Variants in ZNF462 observed in about 807,000 individuals in gnomAD.
ZNF462 encodes zinc finger protein 462.
A neutral mutation model predicts 201.9 loss-of-function variants in ZNF462; 10 were observed. That is an observed-to-expected ratio of 0.05 (90% CI 0.03 to 0.08). ZNF462 has a LOEUF of 0.08. ZNF462 is among the 10% of genes least tolerant of loss of function. The pLI, the probability that ZNF462 is intolerant of heterozygous loss-of-function variation, is 1.00. For synonymous variants in ZNF462, 1,227 were observed against 1,193.3 expected (o/e 1.03, Z -0.58); for missense variants, 2,523 against 3,168.3 (o/e 0.80, Z 4.89).
intron 10 of ZNF462, among the ~76,000 whole-genome samples, chr9:106,992,595 AAAT>A (rs1828372058): frequency 1.3e-5 from 2 of 152,106 alleles, no homozygotes; most frequent in African/African-American, 4.8e-5. Context: ...GGAATCCAAA[AAAT>A]GTTACGTGGA....
At chr9:106,958,112 G>A (rs1056651589) in intron 7 of ZNF462, among the ~76,000 whole-genome samples, 4 of 152,182 alleles carry the variant, frequency 2.6e-5, no homozygotes, top group Non-Finnish European at 4.4e-5. Context: ...ATGTGGAATC[G>A]TGGGGTGCTG....
rs917309370 is a variant in ZNF462 at position 106,933,661 on chromosome 9, C to T, written c.6116+1112C>T. Reference sequence around the variant, plus strand: ...TTAAAAAAAAACAAAACAAAACCCACTGACTCATCAAAATAAAGCACGTCT... The same window carrying T: ...TTAAAAAAAAACAAAACAAAACCCATTGACTCATCAAAATAAAGCACGTCT... On this transcript the variant is annotated intron_variant, in intron 5 of 12. Coordinates refer to ENST00000277225, the MANE Select transcript of ZNF462 (RefSeq NM_021224.6). This position sits in a 1 kb window ranked among gnomAD's most constrained non-coding sequence, Gnocchi z 4.3. Among the ~76,000 whole-genome samples, 1 of 152,040 alleles carries T rather than the reference C, an allele frequency of 6.6e-6. No individual in the cohort carries two copies. The highest frequency in any genetic ancestry group is 1.5e-5 in the Non-Finnish European group (1 of 68,000).
intron 10 of ZNF462, among the ~76,000 whole-genome samples, chr9:106,990,419 G>A (rs1357905315): frequency 5.3e-5 from 8 of 151,888 alleles, no homozygotes; most frequent in African/African-American, 1.9e-4. Flanking sequence ...TGTTCTGTAT[G>A]TATCTGTTAA....
chr9:106,994,521 T>A (rs1432333295), intron 10 of ZNF462, among the ~76,000 whole-genome samples: 1 of 152,130 alleles, frequency 6.6e-6, no homozygotes, highest in Admixed American at 6.6e-5. Context: ...TTGCTTTTTA[T>A]TTCTGAACTA....
chr9:106,934,628 T>C (rs1830555756), intron 5 of ZNF462, among the ~76,000 whole-genome samples: 5 of 152,112 alleles, frequency 3.3e-5, no homozygotes, highest in Admixed American at 2.0e-4. Flanking sequence ...CCAGGGGCAA[T>C]TGAAAATGTT....
In ZNF462 at chr9:106,864,765, T is replaced by TC. The variant is rs1344471692; in HGVS notation, c.-31+1413dup. On this transcript the variant is annotated intron_variant, in intron 1 of 12. Coordinates refer to ENST00000277225, the MANE Select transcript of ZNF462 (RefSeq NM_021224.6). ...ACCAGTTGGGGCTTTCTCCCAGGGC[T>TC]CCCGGGGGCTGTGTCTGAGTGTCTG... 2.6e-5 allele frequency among the ~76,000 whole-genome samples: 4 copies of TC among 152,282 alleles called. No homozygotes were observed. In the South Asian group the frequency reaches 8.3e-4, roughly 32 times the overall value.
Position 106,926,491 on chromosome 9 carries a change from C to T in ZNF462, c.2579C>T (p.Thr860Ile), listed in dbSNP as rs1382982466. Reference protein sequence around the residue: ...FNNKSARSVSTHYQRMHPYIK... With the variant: ...FNNKSARSVSIHYQRMHPYIK... ...AACAAATCTGCCCGGAGTGTTAGCACCCACTACCAACGAATGCACCCATAC... is the reference window on the plus strand; with the variant it reads ...AACAAATCTGCCCGGAGTGTTAGCATCCACTACCAACGAATGCACCCATAC... The change falls in exon 3 of 13, where the codon ACC (threonine) becomes ATC (isoleucine). Residue 860 changes from threonine to isoleucine, a missense_variant. Thr to Ile is a moderately conservative substitution (Grantham distance 89, BLOSUM62 -1). Transcript: ENST00000277225. The surrounding 1 kb of genome is among the most constrained non-coding windows in gnomAD (Gnocchi z 7.9). The T allele has an allele frequency of 6.2e-7, 1 of 1,614,022 alleles. No individual in the cohort carries two copies. Among genetic ancestry groups the T allele is most frequent in the African/African-American group, 1.3e-5 (1 of 74,894 alleles).
At chr9:106,976,604 TAC>T (rs1195293805) in intron 9 of ZNF462, 1 of 152,206 alleles carries the variant, frequency 6.6e-6, no homozygotes, top group African/African-American at 2.4e-5. Context: ...CTCTTCTGTT[TAC>T]TTGTAAGGAT....
In ZNF462 at chr9:106,981,678, T is replaced by G. The variant is rs1827441980; in HGVS notation, c.6833-2508T>G. Among the ~76,000 whole-genome samples, 1 of 152,176 alleles carries G rather than the reference T, an allele frequency of 6.6e-6. No individual in the cohort carries two copies. Among genetic ancestry groups the G allele is most frequent in the African/African-American group, 2.4e-5 (1 of 41,450 alleles). ...TTCATGACTTTGTGTAAAATTCACT[T>G]AGACACACATAGTGAAATTGGAAAC... On this transcript the variant is annotated intron_variant, in intron 9 of 12. Coordinates refer to ENST00000277225, the MANE Select transcript of ZNF462 (RefSeq NM_021224.6). The surrounding 1 kb of genome is among the most constrained non-coding windows in gnomAD (Gnocchi z 4.0).
At position 106,970,582 on chromosome 9, in the gene ZNF462, T is replaced by TC. The variant is rs771164938; in HGVS notation, c.6428-1417dup. Among the ~76,000 whole-genome samples the TC allele has an allele frequency of 6.6e-6, 1 of 152,118 alleles. No individual in the cohort carries two copies. The highest frequency in any genetic ancestry group is 1.5e-5 in the Non-Finnish European group (1 of 68,024). The stretch of plus-strand genomic sequence containing the variant: ...AGGCTTGTACAGTTTCTATCCCCTT[T>TC]CCCCCCTGCTTTTTGAAAGGCTTAA... On this transcript the variant is annotated intron_variant, in intron 7 of 12. Transcript: ENST00000277225. The surrounding 1 kb of genome is among the most constrained non-coding windows in gnomAD (Gnocchi z 4.2).
At chr9:106,947,153 T>C (rs551586366) in intron 7 of ZNF462, among the ~76,000 whole-genome samples, 35 of 152,336 alleles carry the variant, frequency 2.3e-4, no homozygotes, top group Admixed American at 2.6e-4. Context: ...GTTCCTGCCA[T>C]TGGGGCTCTT....
chr9:106,912,367 G>T (rs1041341135), intron 1 of ZNF462, among the ~76,000 whole-genome samples: 1 of 152,150 alleles, frequency 6.6e-6, no homozygotes, highest in Non-Finnish European at 1.5e-5. Context: ...CACACTGCTT[G>T]CATGCCTAAG....
In ZNF462 at chr9:106,920,371, C is replaced by A. The variant is rs555954181; in HGVS notation, c.-30-2983C>A. 6.6e-6 allele frequency among the ~76,000 whole-genome samples: 1 copy of A among 152,190 alleles called. No individual in the cohort carries two copies. The highest frequency in any genetic ancestry group is 1.5e-5 in the Non-Finnish European group (1 of 68,032). The stretch of plus-strand genomic sequence containing the variant: ...TGCCAGCAACTTCTATTTTCTTCTT[C>A]TGTCAGCGTCTTCAGGAGAAATGTG... On this transcript the variant is annotated intron_variant, in intron 1 of 12. Coordinates refer to ENST00000277225, the MANE Select transcript of ZNF462 (RefSeq NM_021224.6). The surrounding 1 kb of genome is among the most constrained non-coding windows in gnomAD (Gnocchi z 4.3).
At chr9:106,914,771 G>A (rs750643058) in intron 1 of ZNF462, among the ~76,000 whole-genome samples, 4 of 152,142 alleles carry the variant, frequency 2.6e-5, no homozygotes, top group Non-Finnish European at 4.4e-5. Context: ...AGTGGATTGT[G>A]GTAGAGAGAA....
At chr9:106,985,682 C>A (rs1014389127) in intron 10 of ZNF462, among the ~76,000 whole-genome samples, 1 of 152,148 alleles carries the variant, frequency 6.6e-6, no homozygotes, top group African/African-American at 2.4e-5. Context: ...GCTCTGTATC[C>A]TCATGAGTGG....
chr9:106,930,474 A>G lies in ZNF462; in HGVS notation c.5848-51A>G. 1.3e-6 allele frequency: 2 copies of G among 1,596,654 alleles called. No individual in the cohort carries two copies. The highest frequency in any genetic ancestry group is 1.7e-6 in the Non-Finnish European group (2 of 1,167,614). ...TAGTAAACTGCAAGAATAAATTCTG[A>G]CAATTGAGGGAGGGCTCGGAGTACT... On this transcript the variant is annotated intron_variant, in intron 3 of 12. Coordinates refer to ENST00000277225, the MANE Select transcript of ZNF462 (RefSeq NM_021224.6). The surrounding 1 kb of genome is among the most constrained non-coding windows in gnomAD (Gnocchi z 5.8).
At chr9:106,878,997 G>A (rs990713632) in intron 1 of ZNF462, among the ~76,000 whole-genome samples, 9 of 152,114 alleles carry the variant, frequency 5.9e-5, no homozygotes, top group Non-Finnish European at 1.2e-4. Flanking sequence ...AAGTTTAATG[G>A]TTTGGTCCCA....
rs114413032 is a variant in ZNF462, at chr9:106,969,829, A to G, written c.6428-2176A>G. Among the ~76,000 whole-genome samples, 955 of 152,294 alleles carry G rather than the reference A, an allele frequency of 6.3e-3. 7 individuals carry two copies. Among genetic ancestry groups the G allele is most frequent in the African/African-American group, 0.022 (909 of 41,568 alleles). ...TGGCCTTGCTGGTTATAGAATTTCT[A>G]TTCTGCAGAGCTAAGAGTGCAAACT... On this transcript the variant is annotated intron_variant, in intron 7 of 12. Transcript: ENST00000277225.
chr9:106,985,504 G>T (rs934646065), intron 10 of ZNF462, among the ~76,000 whole-genome samples: 1 of 152,144 alleles, frequency 6.6e-6, no homozygotes, highest in Non-Finnish European at 1.5e-5. Context: ...GAACTGAGAT[G>T]ATCATTTCTG....
Sources: gnomAD v4.1 joint callset for allele counts (sites outside exome capture counted in the v4.1 genomes callset) on GRCh38, gnomAD v4.1.1 for gene constraint, Gnocchi (gnomAD v3.1) non-coding constraint, MANE v1.5 for transcripts, NCBI Gene and HGNC (gene_info 2026-07-23, HGNC 2026-07-21) for gene names.